Variants in MYO10 observed in about 807,000 individuals in gnomAD.
MYO10 encodes myosin X, also known as unconventional myosin-X.
Under a neutral mutation model 257.3 loss-of-function variants are expected in MYO10, and 133 were observed. The observed-to-expected ratio is 0.52, with a 90% CI of 0.45 to 0.60. The LOEUF is 0.60. Ranked by LOEUF, MYO10 falls within the 20% of genes least tolerant of loss-of-function variation. The pLI is 0.00. For synonymous variants in MYO10, 1,104 were observed against 1,028.6 expected (o/e 1.07, Z -1.40); for missense variants, 2,399 against 2,635.7 (o/e 0.91, Z 1.97).
chr5:16,678,526 G>A (rs773325532), intron 33 of MYO10, among the ~76,000 whole-genome samples: 14 of 152,232 alleles, frequency 9.2e-5, no homozygotes, highest in Non-Finnish European at 8.8e-5. Context: ...GTTGCAGTGA[G>A]CTGAGATCGC....
At chr5:16,929,898 T>C (rs1746249351) in intron 1 of MYO10, among the ~76,000 whole-genome samples, 1 of 152,208 alleles carries the variant, frequency 6.6e-6, no homozygotes, top group Admixed American at 6.5e-5. Context: ...ATATTTATTA[T>C]TGTCTTCAAA....
rs922721487 is a variant in MYO10 at position 16,670,417 on chromosome 5, A to G, written c.5883+109T>C. 1.5e-5 allele frequency: 15 copies of G among 986,926 alleles called. No individual in the cohort carries two copies. The African/African-American group carries it at 2.2e-4, about 14-fold the overall frequency. 61.1% of individuals were successfully genotyped at this position (986,926 alleles called of 1,614,324 possible). A position where few individuals can be genotyped will look rare whatever the true frequency, so the allele number is the denominator to read the frequency against. On this transcript the variant is annotated intron_variant, in intron 39 of 40. Coordinates refer to ENST00000513610, the MANE Select transcript of MYO10 (RefSeq NM_012334.3). ...CTGGGGGCTCGAATAAAAGAGGTTGAGAGAGCAAAATGCTCCATCTTGTCT... is the reference window on the plus strand; with the variant it reads ...CTGGGGGCTCGAATAAAAGAGGTTGGGAGAGCAAAATGCTCCATCTTGTCT...
At chr5:16,741,958 G>A in intron 19 of MYO10, 2 of 985,370 alleles carry the variant, frequency 2.0e-6, no homozygotes, top group Non-Finnish European at 2.4e-6. Flanking sequence ...CTCGGGCTGT[G>A]CTGCTTAATT....
Position 16,869,091 on chromosome 5 carries a change from T to C in MYO10, c.120+8518A>G, listed in dbSNP as rs187645057. 6.9e-4 allele frequency among the ~76,000 whole-genome samples: 105 copies of C among 152,128 alleles called. No individual in the cohort carries two copies. In the Middle Eastern group the frequency reaches 0.01, roughly 15 times the overall value. On this transcript the variant is annotated intron_variant, in intron 2 of 40. Coordinates refer to ENST00000513610, the MANE Select transcript of MYO10 (RefSeq NM_012334.3). ...CCAGCGTGGAGTGCAGTGGCGCCATTGCGGCTCACTGCAAGCTCCGTCTCC... is the reference window on the plus strand; with the variant it reads ...CCAGCGTGGAGTGCAGTGGCGCCATCGCGGCTCACTGCAAGCTCCGTCTCC...
chr5:16,930,385 T>C (rs949822090), intron 1 of MYO10, among the ~76,000 whole-genome samples: 1 of 152,152 alleles, frequency 6.6e-6, no homozygotes, highest in Non-Finnish European at 1.5e-5. Context: ...TCAGAAAACC[T>C]TGAAAACCAG....
intron 2 of MYO10, among the ~76,000 whole-genome samples, chr5:16,841,407 C>T (rs1561012923): frequency 6.6e-6 from 1 of 152,280 alleles, no homozygotes; most frequent in East Asian, 1.9e-4. Context: ...GTTAAGCAGG[C>T]TGAAACTCCA....
intron 19 of MYO10, among the ~76,000 whole-genome samples, chr5:16,728,984 A>C (rs1739476587): frequency 6.6e-6 from 1 of 152,070 alleles, no homozygotes; most frequent in Admixed American, 6.6e-5. Flanking sequence ...CTTTTCTTTT[A>C]AGCACAGCGT....
chr5:16,799,538 G>T (rs1742059502), intron 3 of MYO10, among the ~76,000 whole-genome samples: 1 of 151,518 alleles, frequency 6.6e-6, no homozygotes, highest in Admixed American at 6.6e-5. Flanking sequence ...TGTCATCCAG[G>T]CTGGAGAACA....
chr5:16,726,512 C>G (rs1739372139), intron 19 of MYO10, among the ~76,000 whole-genome samples: 2 of 152,114 alleles, frequency 1.3e-5, no homozygotes, highest in Non-Finnish European at 2.9e-5. Context: ...AATTAACTGT[C>G]TAGGGTCACA....
rs1364858364 is a variant in MYO10, at chr5:16,680,087, C to T, written c.4402G>A (p.Val1468Met). The change falls in exon 33 of 41, where the codon GTG becomes ATG. Residue 1468 changes from valine to methionine, a missense_variant. Around this residue, in one of 3 missense-constraint regions of MYO10, gnomAD observed 1,820 missense variants for 1,939.4 expected, o/e 0.94. Transcript: ENST00000513610. The part of the protein sequence containing the change: ...FKETGYWNVT[V>M]YGRKHCYRLY... ...CGGTAACAGTGCTTGCGCCCGTACA[C>T]GGTGACGTTCCAGTAGCCTGCAATG... 9.3e-6 allele frequency: 15 copies of T among 1,611,108 alleles called. No individual in the cohort carries two copies. The highest frequency in any genetic ancestry group is 4.0e-5 in the African/African-American group (3 of 74,638).
At position 16,665,657 on chromosome 5, in the gene MYO10, T is replaced by C. The variant is rs1736130573; in HGVS notation, c.*1035A>G. 6.6e-6 allele frequency: 1 copy of C among 152,414 alleles called. No homozygotes were observed. The highest frequency in any genetic ancestry group is 2.4e-5 in the African/African-American group (1 of 41,438). The allele number at this position is 152,414 out of a possible 1,614,324, so 9.4% of individuals were successfully genotyped here. A position where few individuals can be genotyped will look rare whatever the true frequency, so the allele number is the denominator to read the frequency against. On this transcript the variant is annotated 3_prime_UTR_variant, in exon 41 of 41. Transcript: ENST00000513610. ...CCCCATAGTCAACATGGTTATTATA[T>C]CTGTAATCTATCCAGAATGATAGAA...
intron 19 of MYO10, among the ~76,000 whole-genome samples, chr5:16,749,862 C>G (rs961563296): frequency 3.3e-5 from 5 of 152,188 alleles, no homozygotes; most frequent in African/African-American, 4.8e-5. Context: ...TTAATTCTGC[C>G]CTGAACCTCC....
intron 1 of MYO10, chr5:16,915,914 G>A (rs1347282177): frequency 4.3e-5 from 17 of 393,430 alleles, no homozygotes; most frequent in African/African-American, 2.1e-4. Context: ...CTGAAATTGC[G>A]CCACTGCACT....
At chr5:16,729,423 T>C (rs1739494283) in intron 19 of MYO10, among the ~76,000 whole-genome samples, 1 of 152,112 alleles carries the variant, frequency 6.6e-6, no homozygotes, top group Non-Finnish European at 1.5e-5. Context: ...CCTTCACCCC[T>C]TCCACTCTTC....
intron 19 of MYO10, among the ~76,000 whole-genome samples, chr5:16,717,306 G>A (rs986733597): frequency 2.0e-5 from 3 of 152,176 alleles, no homozygotes; most frequent in South Asian, 4.1e-4. Context: ...ACTCTGAAAG[G>A]AATGAAAACT....
In MYO10 at chr5:16,935,708, T is replaced by C. The variant is rs1363410854; in HGVS notation, c.21+80A>G. 6 of 1,572,794 alleles carry C rather than the reference T, an allele frequency of 3.8e-6. No homozygotes were observed. The East Asian group carries it at 1.3e-4, about 35-fold the overall frequency. ...GCGCCTTCCAGGGCTTAGGAAAAAGTACCCAGGGCGCGCGGCGTGGTGGGC... is the reference window on the plus strand; with the variant it reads ...GCGCCTTCCAGGGCTTAGGAAAAAGCACCCAGGGCGCGCGGCGTGGTGGGC... On this transcript the variant is annotated intron_variant, in intron 1 of 40. Transcript: ENST00000513610.
At chr5:16,813,438 T>C (rs896608494) in intron 3 of MYO10, among the ~76,000 whole-genome samples, 1 of 151,754 alleles carries the variant, frequency 6.6e-6, no homozygotes, top group Non-Finnish European at 1.5e-5. Flanking sequence ...TGTAGTACTA[T>C]ATATATACTC....
chr5:16,827,978 C>T (rs1316913842), intron 2 of MYO10, among the ~76,000 whole-genome samples: 1 of 152,152 alleles, frequency 6.6e-6, no homozygotes, highest in Non-Finnish European at 1.5e-5. Context: ...GGGAAGCATG[C>T]GTGGTAGAGT....
intron 1 of MYO10, among the ~76,000 whole-genome samples, chr5:16,891,387 A>AAG (rs1745055369): frequency 3.0e-5 from 4 of 133,208 alleles, no homozygotes; most frequent in African/African-American, 1.1e-4. Context: ...AAGGAGAGAG[A>AAG]GAGGAAGGAG....
Sources: gnomAD v4.1 joint callset for allele counts (sites outside exome capture counted in the v4.1 genomes callset) on GRCh38, gnomAD v4.1.1 for gene constraint, gnomAD v4.1.1 regional missense constraint, MANE v1.5 for transcripts, NCBI Gene and HGNC (gene_info 2026-07-23, HGNC 2026-07-21) for gene names.